Variants in FAM76A observed in about 807,000 individuals in gnomAD.
The protein encoded by FAM76A is protein FAM76A.
Under a neutral mutation model 46.2 loss-of-function variants are expected in FAM76A, and 32 were observed. The observed-to-expected ratio is 0.69, with a 90% CI of 0.52 to 0.93. FAM76A has a LOEUF of 0.93. FAM76A is among the 40% of genes least tolerant of loss of function. The pLI, the probability that FAM76A is intolerant of heterozygous loss-of-function variation, is 0.00. For missense variants in FAM76A, 274 were observed against 361.5 expected (o/e 0.76, Z 1.96); for synonymous variants, 137 against 127.0 (o/e 1.08, Z -0.53).
At chr1:27,741,558 AT>A (rs1054781852) in intron 4 of FAM76A, among the ~76,000 whole-genome samples, 3 of 151,564 alleles carry the variant, frequency 2.0e-5, no homozygotes, top group Admixed American at 6.6e-5. Context: ...TATAAAAAAA[AT>A]TTTTTTTCCA....
At chr1:27,755,714 C>T (rs753014102) in intron 7 of FAM76A, among the ~76,000 whole-genome samples, 24 of 152,172 alleles carry the variant, frequency 1.6e-4, no homozygotes, top group Non-Finnish European at 3.1e-4. Flanking sequence ...GCTTGGACTA[C>T]AGGCATGTGC....
Position 27,744,280 on chromosome 1 carries a change from C to T in FAM76A, c.355-374C>T, listed in dbSNP as rs373912125. Reference sequence around the variant, plus strand: ...AGTAGCTGGGACTACAGGTGCACGACACTATGCCTGGCTAATTTTTGTATT... The same window carrying T: ...AGTAGCTGGGACTACAGGTGCACGATACTATGCCTGGCTAATTTTTGTATT... On this transcript the variant is annotated intron_variant, in intron 4 of 8. Transcript: ENST00000373954. Among the ~76,000 whole-genome samples, 119 of 152,214 alleles carry T rather than the reference C, an allele frequency of 7.8e-4. 1 individual carries two copies. The highest frequency in any genetic ancestry group is 3.4e-3 in the Middle Eastern group (1 of 294).
chr1:27,760,133 G>A (rs1255427638), intron 8 of FAM76A: 1 of 363,564 alleles, frequency 2.8e-6, no homozygotes, highest in Non-Finnish European at 5.4e-6. Context: ...CTCAAAAACA[G>A]TAGAATTATT....
chr1:27,740,267 T>C (rs892166629), intron 4 of FAM76A: 18 of 735,888 alleles, frequency 2.4e-5, no homozygotes, highest in South Asian at 2.1e-4. Flanking sequence ...TTGAAGACAT[T>C]TGGGAGAATG....
chr1:27,758,781 G>A (rs1002933460), intron 7 of FAM76A, among the ~76,000 whole-genome samples: 9 of 145,970 alleles, frequency 6.2e-5, no homozygotes, highest in Non-Finnish European at 1.3e-4. Context: ...GCCTCCCAAA[G>A]TGCTGGGATT....
chr1:27,744,161 G>A (rs907302125), intron 4 of FAM76A, among the ~76,000 whole-genome samples: 12 of 152,120 alleles, frequency 7.9e-5, no homozygotes, highest in Middle Eastern at 3.4e-3. Context: ...ATGGAGTCAC[G>A]CTCTGTTGCC....
At chr1:27,737,806 C>T (rs1046044696) in intron 4 of FAM76A, among the ~76,000 whole-genome samples, 21 of 139,734 alleles carry the variant, frequency 1.5e-4, no homozygotes, top group Non-Finnish European at 2.4e-4. Context: ...GAGCTGAGAT[C>T]GTGCCTCTGC....
At chr1:27,726,234 G>T (rs2087856271) in intron 1 of FAM76A, 73 bp downstream of exon 1, 1 of 1,201,534 alleles carries the variant, frequency 8.3e-7, no homozygotes, top group South Asian at 3.8e-5. Context: ...ATTCTGTGGG[G>T]ACGCCCGGCG....
At chr1:27,759,823 A>G in intron 8 of FAM76A, 196 bp downstream of exon 8, 2 of 553,248 alleles carry the variant, frequency 3.6e-6, no homozygotes, top group South Asian at 3.6e-5. Context: ...GCTGGAGGGC[A>G]GTGGCACGAT....
rs560923232 is a variant in FAM76A, at chr1:27,734,352, C to T, written c.354+169C>T. Among the ~76,000 whole-genome samples, 23 of 152,156 alleles carry T rather than the reference C, an allele frequency of 1.5e-4. No homozygotes were observed. In the East Asian group the frequency reaches 2.9e-3, roughly 19 times the overall value. On this transcript the variant is annotated intron_variant, in intron 4 of 8. Transcript: ENST00000373954. The stretch of plus-strand genomic sequence containing the variant: ...CATGAGGTCAGGAGATCAAGACTAT[C>T]GTGGCTAACATGGTGAAACCGCGTC...
chr1:27,759,764 A>AGG, intron 8 of FAM76A, 137 bp downstream of exon 8: 3 of 566,668 alleles, frequency 5.3e-6, no homozygotes, highest in Non-Finnish European at 8.5e-6. Flanking sequence ...TCCCCCTTTT[A>AGG]GGTTTTTTTT....
rs1000927266 is a variant in FAM76A, at chr1:27,762,485, G to A, written c.*1904G>A. On this transcript the variant is annotated 3_prime_UTR_variant, in exon 9 of 9. Transcript: ENST00000373954. ...CCTGGAAGCAGATGCTCTATAATTT[G>A]TGATAGCATTCTCATAAATGGAGTC... is the stretch of plus-strand genomic sequence containing the variant. The A allele has an allele frequency of 3.3e-5, 5 of 152,124 alleles. No homozygotes were observed. The highest frequency in any genetic ancestry group is 1.2e-4 in the African/African-American group (5 of 41,422). The allele number at this position is 152,124 out of a possible 1,614,324, so 9.4% of individuals were successfully genotyped here.
chr1:27,755,385 G>A (rs921121481), intron 7 of FAM76A, 55 bp downstream of exon 7: 10 of 1,599,434 alleles, frequency 6.3e-6, no homozygotes, highest in Non-Finnish European at 8.6e-6. Flanking sequence ...GAGATATGTG[G>A]TATGGGACAT....
chr1:27,728,645 G>A (rs1292991829), intron 2 of FAM76A, among the ~76,000 whole-genome samples: 8 of 152,066 alleles, frequency 5.3e-5, no homozygotes, highest in African/African-American at 1.4e-4. Context: ...GAGCCACCAC[G>A]CCTGGGCAAA....
rs2088521600 is a variant in FAM76A, at chr1:27,762,231, T to TCC, written c.*1650_*1651insCC. The TCC allele has an allele frequency of 6.6e-6, 1 of 152,172 alleles. No homozygotes were observed. The highest frequency in any genetic ancestry group is 1.5e-5 in the Non-Finnish European group (1 of 68,030). The allele number at this position is 152,172 out of a possible 1,614,324, so 9.4% of individuals were successfully genotyped here. On this transcript the variant is annotated 3_prime_UTR_variant, in exon 9 of 9. Coordinates refer to ENST00000373954, the MANE Select transcript of FAM76A (RefSeq NM_152660.3). The stretch of plus-strand genomic sequence containing the variant: ...ACCCTGTAGGAATATGGATTTACTT[T>TCC]TCCAGGAAAGGGGATAGATTTACAT...
At chr1:27,736,148 C>T (rs1016455175) in intron 4 of FAM76A, among the ~76,000 whole-genome samples, 13 of 151,914 alleles carry the variant, frequency 8.6e-5, no homozygotes, top group Non-Finnish European at 1.8e-4. Context: ...GATGAAACCC[C>T]GTCTCTACCA....
At chr1:27,744,967 A>T (rs1415998025) in intron 5 of FAM76A, among the ~76,000 whole-genome samples, 156 bp downstream of exon 5, 1 of 152,220 alleles carries the variant, frequency 6.6e-6, no homozygotes, top group Non-Finnish European at 1.5e-5. Flanking sequence ...CATATTTTAT[A>T]GTTCATATAT....
At chr1:27,736,978 CTGT>C (rs1248076206) in intron 4 of FAM76A, among the ~76,000 whole-genome samples, 2 of 151,956 alleles carry the variant, frequency 1.3e-5, no homozygotes, top group South Asian at 2.1e-4. Context: ...CGGAGTTTCG[CTGT>C]TGTTGTTGCC....
At chr1:27,751,281 T>G (rs1159350679) in intron 6 of FAM76A, among the ~76,000 whole-genome samples, 1 of 152,272 alleles carries the variant, frequency 6.6e-6, no homozygotes, top group East Asian at 1.9e-4. Flanking sequence ...ATTTAAAATG[T>G]TCCTGCATTA....
Sources: gnomAD v4.1 joint callset for allele counts (sites outside exome capture counted in the v4.1 genomes callset) on GRCh38, gnomAD v4.1.1 for gene constraint, MANE v1.5 for transcripts, NCBI Gene and HGNC (gene_info 2026-07-23, HGNC 2026-07-21) for gene names.